Variants in MARCHF1 observed in about 807,000 individuals in gnomAD.
The protein encoded by MARCHF1 is E3 ubiquitin-protein ligase MARCHF1.
Under a neutral mutation model 54.2 loss-of-function variants are expected in MARCHF1, and 40 were observed. The observed-to-expected ratio is 0.74, with a 90% CI of 0.57 to 0.96. The LOEUF (loss-of-function observed/expected upper bound fraction) is 0.96, where lower values mean the gene tolerates loss of function less well. Among genes scored for constraint, MARCHF1 ranks in the 40% least tolerant of loss-of-function variants. MARCHF1 has a pLI of 0.00. For synonymous variants in MARCHF1, 236 were observed against 236.3 expected (o/e 1.00, Z 0.01); for missense variants, 586 against 656.5 (o/e 0.89, Z 1.17).
At chr4:163,833,432 C>G (rs931936018) in intron 4 of MARCHF1, among the ~76,000 whole-genome samples, 1 of 152,044 alleles carries the variant, frequency 6.6e-6, no homozygotes, top group African/African-American at 2.4e-5. Context: ...GAACAGGCAA[C>G]CTACAGAATG....
chr4:164,219,090 T>G (rs955076474), intron 1 of MARCHF1, among the ~76,000 whole-genome samples: 1 of 152,182 alleles, frequency 6.6e-6, no homozygotes, highest in African/African-American at 2.4e-5. Flanking sequence ...TTGCAAGAGT[T>G]GTGCATTTTT....
At chr4:164,173,723 T>C (rs1730587954) in intron 1 of MARCHF1, among the ~76,000 whole-genome samples, 1 of 152,148 alleles carries the variant, frequency 6.6e-6, no homozygotes, top group Admixed American at 6.5e-5. Flanking sequence ...ACATGTCTGC[T>C]CCCACTTTGC....
At position 164,379,904 on chromosome 4, in the gene MARCHF1, C is replaced by T. The variant is rs554709092; in HGVS notation, c.-323+3966G>A. On this transcript the variant is annotated intron_variant, in intron 1 of 9. Coordinates refer to ENST00000514618, the MANE Select transcript of MARCHF1 (RefSeq NM_001394959.1). ...CAGAGGTTTCAGTAAGCAGTGATTG[C>T]GCCACTGCATTCCACCTGGGTGACA... Among the ~76,000 whole-genome samples, 49 of 151,740 alleles carry T rather than the reference C, an allele frequency of 3.2e-4. 1 individual carries two copies. The highest frequency in any genetic ancestry group is 9.9e-4 in the African/African-American group (41 of 41,318).
intron 1 of MARCHF1, among the ~76,000 whole-genome samples, chr4:164,193,737 A>T (rs1382902988): frequency 1.3e-5 from 2 of 152,192 alleles, no homozygotes; most frequent in Admixed American, 1.3e-4. Flanking sequence ...GTAAATGAAC[A>T]AATGCTGTCC....
chr4:164,191,795 A>G (rs953960383), intron 1 of MARCHF1, among the ~76,000 whole-genome samples: 9 of 152,202 alleles, frequency 5.9e-5, no homozygotes, highest in African/African-American at 2.2e-4. Flanking sequence ...AATCTCTACA[A>G]TCACACTTGC....
chr4:163,647,045 CT>C (rs1429452481), intron 5 of MARCHF1, among the ~76,000 whole-genome samples: 2 of 152,104 alleles, frequency 1.3e-5, no homozygotes, highest in East Asian at 3.9e-4. Flanking sequence ...CACACATAGA[CT>C]GAAAGTGAAG....
At chr4:163,742,387 CTT>C (rs1746226735) in intron 4 of MARCHF1, among the ~76,000 whole-genome samples, 2 of 76,948 alleles carry the variant, frequency 2.6e-5, no homozygotes, top group Non-Finnish European at 2.8e-5. Flanking sequence ...TCGCTACCTC[CTT>C]CCTTCCTCCC....
intron 3 of MARCHF1, among the ~76,000 whole-genome samples, chr4:163,950,414 TG>T (rs1752111693): frequency 6.6e-6 from 1 of 152,158 alleles, no homozygotes; most frequent in Non-Finnish European, 1.5e-5. Flanking sequence ...GAAATTGAAG[TG>T]GGCACCCAGA....
At chr4:164,092,906 G>C (rs967781443) in intron 2 of MARCHF1, among the ~76,000 whole-genome samples, 1 of 152,024 alleles carries the variant, frequency 6.6e-6, no homozygotes, top group East Asian at 1.9e-4. Context: ...CACATCCAAC[G>C]GTAAGAGTTA....
chr4:163,840,850 T>C (rs1433180998), intron 4 of MARCHF1, among the ~76,000 whole-genome samples: 1 of 152,134 alleles, frequency 6.6e-6, no homozygotes, highest in Admixed American at 6.6e-5. Flanking sequence ...ATGATTTTGG[T>C]AATCATTTTA....
intron 2 of MARCHF1, among the ~76,000 whole-genome samples, chr4:163,995,106 C>T (rs180856120): frequency 2.0e-5 from 3 of 152,118 alleles, no homozygotes; most frequent in Admixed American, 2.0e-4. Context: ...AGACTGTCCC[C>T]CAACCTTCAG....
intron 3 of MARCHF1, among the ~76,000 whole-genome samples, chr4:163,855,429 C>T (rs949897787): frequency 2.6e-5 from 4 of 152,138 alleles, no homozygotes; most frequent in Non-Finnish European, 5.9e-5. Context: ...CTATTCAATA[C>T]AAAATCTGCA....
intron 3 of MARCHF1, among the ~76,000 whole-genome samples, chr4:163,857,867 G>C (rs1018714093): frequency 6.6e-6 from 1 of 151,834 alleles, no homozygotes; most frequent in African/African-American, 2.4e-5. Context: ...AGGGGAAACA[G>C]AGAAGTAACC....
intron 1 of MARCHF1, among the ~76,000 whole-genome samples, chr4:164,113,698 AG>A (rs1755883023): frequency 2.0e-5 from 3 of 152,048 alleles, no homozygotes; most frequent in Middle Eastern, 6.8e-3. Flanking sequence ...AGGGAGGGGT[AG>A]GGGGGATGTC....
At chr4:163,653,358 T>G (rs963717904) in intron 5 of MARCHF1, among the ~76,000 whole-genome samples, 5 of 151,810 alleles carry the variant, frequency 3.3e-5, no homozygotes, top group African/African-American at 4.8e-5. Context: ...AATGTTGGAT[T>G]ATTTTCCTGA....
chr4:163,612,306 G>T lies in MARCHF1; in HGVS notation c.975C>A (p.Thr325=). The T allele has an allele frequency of 6.6e-7, 1 of 1,521,796 alleles. No homozygotes were observed. Among genetic ancestry groups the T allele is most frequent in the Non-Finnish European group, 8.8e-7 (1 of 1,142,452 alleles). The allele number at this position is 1,521,796 out of a possible 1,614,324, so 94.3% of individuals were successfully genotyped here. The change falls in exon 7 of 10, where the codon ACC becomes ACA. Residue 325 remains threonine (T), a synonymous_variant. Coordinates refer to ENST00000514618, the MANE Select transcript of MARCHF1 (RefSeq NM_001394959.1). ...VNNPVQKPPA[T]YDDGSDNLEV... ...CTAAATTATCAGACCCATCGTCATAGGTGGCAGGAGGCTTCTGAACAGGGT... is the reference window on the plus strand; with the variant it reads ...CTAAATTATCAGACCCATCGTCATATGTGGCAGGAGGCTTCTGAACAGGGT...
chr4:163,572,720 A>T (rs1739883335), intron 8 of MARCHF1, among the ~76,000 whole-genome samples: 1 of 152,022 alleles, frequency 6.6e-6, no homozygotes, highest in Non-Finnish European at 1.5e-5. Flanking sequence ...ACTTTGTTTC[A>T]TGTTTCCATG....
intron 1 of MARCHF1, among the ~76,000 whole-genome samples, chr4:164,178,992 G>T (rs1020533385): frequency 6.6e-6 from 1 of 152,040 alleles, no homozygotes; most frequent in African/African-American, 2.4e-5. Flanking sequence ...AAAAAGTTCA[G>T]GGCTGCAGTT....
chr4:163,848,135 T>A (rs1749538339), intron 4 of MARCHF1, among the ~76,000 whole-genome samples: 1 of 152,232 alleles, frequency 6.6e-6, no homozygotes, highest in Non-Finnish European at 1.5e-5. Context: ...TATGTCTGAT[T>A]ACAAATCATT....
Sources: allele counts gnomAD v4.1 joint callset (sites outside exome capture counted in the v4.1 genomes callset), GRCh38; gene constraint gnomAD v4.1.1; transcripts MANE v1.5; gene names NCBI Gene and HGNC (gene_info 2026-07-23, HGNC 2026-07-21).